The following TMEM178B variants were observed in gnomAD, a reference collection of about 807,000 sequenced individuals.
The protein encoded by TMEM178B is transmembrane protein 178B.
In TMEM178B, 5 loss-of-function variants were observed where a neutral mutation model predicts 31.0. The observed-to-expected ratio is 0.16, with a 90% CI of 0.08 to 0.34. The LOEUF is 0.34. TMEM178B is among the 10% of genes least tolerant of loss of function. The pLI, the probability that TMEM178B is intolerant of heterozygous loss-of-function variation, is 1.00. For synonymous variants in TMEM178B, 164 were observed against 164.0 expected, an observed-to-expected ratio of 1.00 and a Z score of 0.00; for missense variants, 275 against 400.3, an observed-to-expected ratio of 0.69 and a Z score of 2.67.
chr7:141,278,726 A>G (rs1462198926), intron 2 of TMEM178B, among the ~76,000 whole-genome samples: 1 of 152,230 alleles, frequency 6.6e-6, no homozygotes, highest in Non-Finnish European at 1.5e-5. Flanking sequence ...GCTTGAATAT[A>G]TATGTGCAAC....
At chr7:141,268,070 C>T (rs945810386) in intron 2 of TMEM178B, among the ~76,000 whole-genome samples, 2 of 152,188 alleles carry the variant, frequency 1.3e-5, no homozygotes, top group African/African-American at 4.8e-5. Context: ...ACAAAATGTT[C>T]ATGGAAAATG....
At position 141,472,654 on chromosome 7, in the gene TMEM178B, CCTTT is replaced by C. The variant is rs1428266662; in HGVS notation, c.*1872_*1875del. On this transcript the variant is annotated 3_prime_UTR_variant, in exon 4 of 4. Transcript: ENST00000565468. Reference sequence around the variant, plus strand: ...GGGAGCTTTGCCAGGCACTCAGCAGCCTTTCTTCCACTGCTGTGTAATCTGTTTC... The same window carrying C: ...GGGAGCTTTGCCAGGCACTCAGCAGCCTTCCACTGCTGTGTAATCTGTTTC... 1.3e-5 allele frequency: 2 copies of C among 152,230 alleles called. No homozygotes were observed. The highest frequency in any genetic ancestry group is 2.9e-5 in the Non-Finnish European group (2 of 68,054). The allele number at this position is 152,230 out of a possible 1,614,324, so 9.4% of individuals were successfully genotyped here.
chr7:141,111,510 T>G (rs1795234435), intron 1 of TMEM178B, among the ~76,000 whole-genome samples: 1 of 152,238 alleles, frequency 6.6e-6, no homozygotes, highest in Non-Finnish European at 1.5e-5. Context: ...TCTAACATGT[T>G]AATTTGCCAT....
the TMEM178B span, among the ~76,000 whole-genome samples, chr7:141,492,237 C>G: frequency 6.6e-6 from 1 of 152,156 alleles, no homozygotes; most frequent in African/African-American, 2.4e-5. Flanking sequence ...CCCCATTTTT[C>G]CCTCGCTCCT....
chr7:141,240,584 T>C (rs1797601540), intron 2 of TMEM178B, among the ~76,000 whole-genome samples: 1 of 152,262 alleles, frequency 6.6e-6, no homozygotes, highest in African/African-American at 2.4e-5. Flanking sequence ...AATTTTACTT[T>C]TAAGAATATT....
At chr7:141,080,608 A>C (rs1794666952) in intron 1 of TMEM178B, among the ~76,000 whole-genome samples, 1 of 152,254 alleles carries the variant, frequency 6.6e-6, no homozygotes, top group African/African-American at 2.4e-5. Flanking sequence ...TGATAGAGCG[A>C]GACTCCATCT....
intron 1 of TMEM178B, among the ~76,000 whole-genome samples, chr7:141,095,125 A>T (rs1460639801): frequency 6.6e-6 from 1 of 152,190 alleles, no homozygotes; most frequent in Non-Finnish European, 1.5e-5. Context: ...GAAGGTATGG[A>T]TGTCATTAGC....
At chr7:141,263,081 G>A (rs1420628507) in intron 2 of TMEM178B, among the ~76,000 whole-genome samples, 2 of 152,020 alleles carry the variant, frequency 1.3e-5, no homozygotes, top group East Asian at 3.9e-4. Context: ...CCAGTTATCT[G>A]GACACTAAAC....
downstream of TMEM178B, among the ~76,000 whole-genome samples, chr7:141,482,002 GC>G (rs1317913851): frequency 6.6e-6 from 1 of 152,110 alleles, no homozygotes; most frequent in African/African-American, 2.4e-5. Flanking sequence ...GAGGCAGAAG[GC>G]CCCGATGCTC....
intron 2 of TMEM178B, among the ~76,000 whole-genome samples, chr7:141,391,779 C>T (rs1039351184): frequency 6.6e-5 from 10 of 152,076 alleles, no homozygotes; most frequent in South Asian, 6.2e-4. Context: ...CACGGAATCA[C>T]GCCTGTTATT....
intron 2 of TMEM178B, 75 bp from the exon 3 acceptor site, chr7:141,437,532 AC>A (rs1801568414): frequency 1.3e-6 from 2 of 1,507,986 alleles, no homozygotes; most frequent in East Asian, 4.9e-5. Flanking sequence ...CTCTGCACCC[AC>A]CCCAGGGCTG....
intron 2 of TMEM178B, among the ~76,000 whole-genome samples, chr7:141,348,825 T>C (rs535617208): frequency 2.4e-4 from 36 of 152,188 alleles, no homozygotes; most frequent in African/African-American, 8.4e-4. Context: ...CTCAACTAGG[T>C]TACAGAAAAA....
chr7:141,227,562 C>T lies in TMEM178B; in HGVS notation c.496+14858C>T, dbSNP rs114125663. Among the ~76,000 whole-genome samples the T allele has an allele frequency of 7.2e-3, 1,090 of 152,272 alleles. 18 individuals carry two copies. The highest frequency in any genetic ancestry group is 0.025 in the African/African-American group (1,028 of 41,540). On this transcript the variant is annotated intron_variant, in intron 2 of 3. Transcript: ENST00000565468. Reference sequence around the variant, plus strand: ...GAGGTTAAATAACTCACAGAAGAGCCGTGTCCTATGAGCCTTATGATGACT... The same window carrying T: ...GAGGTTAAATAACTCACAGAAGAGCTGTGTCCTATGAGCCTTATGATGACT...
intron 1 of TMEM178B, among the ~76,000 whole-genome samples, chr7:141,196,761 T>C (rs1011812841): frequency 1.3e-5 from 2 of 152,102 alleles, no homozygotes; most frequent in South Asian, 2.1e-4. Flanking sequence ...ATCTCGTGCA[T>C]GTGTGGAGGA....
downstream of TMEM178B, among the ~76,000 whole-genome samples, chr7:141,483,657 A>G (rs1235825490): frequency 1.3e-5 from 2 of 152,150 alleles, no homozygotes; most frequent in Non-Finnish European, 2.9e-5. Context: ...ATCGTTATTC[A>G]GTAACTGTTA....
rs1802330125 is a variant in TMEM178B at position 141,474,782 on chromosome 7, A to G, written c.*3996A>G. The G allele has an allele frequency of 6.6e-6, 1 of 152,224 alleles. No individual in the cohort carries two copies. Among genetic ancestry groups the G allele is most frequent in the African/African-American group, 2.4e-5 (1 of 41,456 alleles). The allele number at this position is 152,224 out of a possible 1,614,324, so 9.4% of individuals were successfully genotyped here. A position where few individuals can be genotyped will look rare whatever the true frequency, so the allele number is the denominator to read the frequency against. Reference sequence around the variant, plus strand: ...GCACTGTGTGTAGCTGTCTTGATTTAGTGGGAGGATGTGCTGCTTAGGTCT... The same window carrying G: ...GCACTGTGTGTAGCTGTCTTGATTTGGTGGGAGGATGTGCTGCTTAGGTCT... On this transcript the variant is annotated 3_prime_UTR_variant, in exon 4 of 4. Coordinates refer to ENST00000565468, the MANE Select transcript of TMEM178B (RefSeq NM_001195278.2).
At chr7:141,118,632 C>T (rs956298871) in intron 1 of TMEM178B, among the ~76,000 whole-genome samples, 23 of 152,160 alleles carry the variant, frequency 1.5e-4, no homozygotes, top group African/African-American at 3.1e-4. Flanking sequence ...TATTGTAGGA[C>T]GCCTGAATGG....
intron 1 of TMEM178B, among the ~76,000 whole-genome samples, chr7:141,106,746 T>G (rs1440603520): frequency 6.6e-6 from 1 of 152,242 alleles, no homozygotes; most frequent in Non-Finnish European, 1.5e-5. Flanking sequence ...CTATGTATAT[T>G]CTAATTGTTA....
chr7:141,236,423 G>A (rs1797528113), intron 2 of TMEM178B, among the ~76,000 whole-genome samples: 1 of 152,214 alleles, frequency 6.6e-6, no homozygotes, highest in Non-Finnish European at 1.5e-5. Flanking sequence ...TCCCCTGGCT[G>A]CAGATAGATG....
Sources: gnomAD v4.1 joint callset for allele counts (sites outside exome capture counted in the v4.1 genomes callset) on GRCh38, gnomAD v4.1.1 for gene constraint, MANE v1.5 for transcripts, NCBI Gene and HGNC (gene_info 2026-07-23, HGNC 2026-07-21) for gene names.